The following CNR1 variants were observed in gnomAD, a reference collection of about 807,000 sequenced individuals.
CNR1 encodes cannabinoid receptor 1 (brain).
In CNR1, 10 loss-of-function variants were observed where a neutral mutation model predicts 23.0. The ratio of observed to expected loss-of-function variants is 0.43; its 90% CI spans 0.27 to 0.74. CNR1 has a LOEUF of 0.74. Ranked by LOEUF, CNR1 falls within the 30% of genes least tolerant of loss-of-function variation. The pLI is 0.19. For missense variants in CNR1, 422 were observed against 618.8 expected, an observed-to-expected ratio of 0.68 and a Z score of 3.37; for synonymous variants, 271 against 255.2, an observed-to-expected ratio of 1.06 and a Z score of -0.59.
Position 88,141,613 on chromosome 6 carries a change from C to A in CNR1, c.*2243G>T, listed in dbSNP as rs1157162922. ...TGGCAATTCTTAAATGCAAACTAAA[C>A]CCTGGTGAGTTCTTCTTGTAAATAA... On this transcript the variant is annotated 3_prime_UTR_variant, in exon 2 of 2. Coordinates refer to ENST00000369501, the MANE Select transcript of CNR1 (RefSeq NM_016083.6). 2.6e-5 allele frequency: 4 copies of A among 152,360 alleles called. No individual in the cohort carries two copies. 9.4% of individuals were successfully genotyped at this position (152,360 alleles called of 1,614,324 possible). A position where few individuals can be genotyped will look rare whatever the true frequency, so the allele number is the denominator to read the frequency against.
At chr6:88,160,147 G>C (rs542221607) in intron 1 of CNR1, among the ~76,000 whole-genome samples, 1 of 152,176 alleles carries the variant, frequency 6.6e-6, no homozygotes, top group African/African-American at 2.4e-5. Flanking sequence ...GGCCAACATG[G>C]TGAAACCCCG....
rs1433813768 is a variant in CNR1, at chr6:88,142,596, T to C, written c.*1260A>G. ...TCTCTTAAGGAGGGATGGGGTGAAATTTTTGAATGGTTGGAGTCAGTATTT... is the reference window on the plus strand; with the variant it reads ...TCTCTTAAGGAGGGATGGGGTGAAACTTTTGAATGGTTGGAGTCAGTATTT... On this transcript the variant is annotated 3_prime_UTR_variant, in exon 2 of 2. Coordinates refer to ENST00000369501, the MANE Select transcript of CNR1 (RefSeq NM_016083.6). The C allele has an allele frequency of 1.3e-5, 2 of 152,290 alleles. No individual in the cohort carries two copies. Among genetic ancestry groups the C allele is most frequent in the Non-Finnish European group, 2.9e-5 (2 of 68,020 alleles). The allele number at this position is 152,290 out of a possible 1,614,324, so 9.4% of individuals were successfully genotyped here. A position where few individuals can be genotyped will look rare whatever the true frequency, so the allele number is the denominator to read the frequency against.
At position 88,142,863 on chromosome 6, in the gene CNR1, C is replaced by T. The variant is rs1324400221; in HGVS notation, c.*993G>A. 1 of 152,706 alleles carries T rather than the reference C, an allele frequency of 6.5e-6. No homozygotes were observed. The highest frequency in any genetic ancestry group is 1.5e-5 in the Non-Finnish European group (1 of 68,040). The allele number at this position is 152,706 out of a possible 1,614,324, so 9.5% of individuals were successfully genotyped here. ...AAATGAAGACTGTTGTTTGGCCACCCAGGCATGAAATCTACTTAAACCTGG... is the reference window on the plus strand; with the variant it reads ...AAATGAAGACTGTTGTTTGGCCACCTAGGCATGAAATCTACTTAAACCTGG... On this transcript the variant is annotated 3_prime_UTR_variant, in exon 2 of 2. Transcript: ENST00000369501.
In CNR1 at chr6:88,143,917, G is replaced by A; in HGVS notation, c.1358C>T (p.Thr453Met). Residue 453 changes from threonine to methionine, a missense_variant, in exon 2 of 2, where the codon ACG becomes ATG. Coordinates refer to ENST00000369501, the MANE Select transcript of CNR1 (RefSeq NM_016083.6). ...CATGGTTACCTTGGCAATCTTGACC[G>A]TGCTCTTGATGCAGCTTTCTGCGGC... ...HRAAESCIKS[T>M]VKIAKVTMSV... The A allele has an allele frequency of 6.2e-7, 1 of 1,614,144 alleles. No homozygotes were observed. The highest frequency in any genetic ancestry group is 2.2e-5 in the East Asian group (1 of 44,860).
chr6:88,161,604 A>T (rs1778110637), intron 1 of CNR1, among the ~76,000 whole-genome samples: 1 of 152,250 alleles, frequency 6.6e-6, no homozygotes, highest in Non-Finnish European at 1.5e-5. Flanking sequence ...ATCAAGAAAT[A>T]TAATCCAGGA....
intron 1 of CNR1, chr6:88,147,847 G>A (rs1305687166): frequency 6.6e-6 from 1 of 152,316 alleles, no homozygotes; most frequent in African/African-American, 2.4e-5. Flanking sequence ...TTCCTTTTCA[G>A]GCCCAGGCCC....
At chr6:88,147,497 A>G (rs1777267117) in intron 1 of CNR1, among the ~76,000 whole-genome samples, 1 of 152,252 alleles carries the variant, frequency 6.6e-6, no homozygotes, top group Non-Finnish European at 1.5e-5. Context: ...AATAGGTAGC[A>G]TCACTGTAGG....
chr6:88,142,670 G>A lies in CNR1; in HGVS notation c.*1186C>T, dbSNP rs574876463. 1 of 152,628 alleles carries A rather than the reference G, an allele frequency of 6.6e-6. No individual in the cohort carries two copies. The highest frequency in any genetic ancestry group is 1.5e-5 in the Non-Finnish European group (1 of 68,038). 9.5% of individuals were successfully genotyped at this position (152,628 alleles called of 1,614,324 possible). A position where few individuals can be genotyped will look rare whatever the true frequency, so the allele number is the denominator to read the frequency against. On this transcript the variant is annotated 3_prime_UTR_variant, in exon 2 of 2. Transcript: ENST00000369501. ...ACTCAATTTTAGAAACTGAATCCAT[G>A]TGCAAGAGTGCAGCAAGTGGTAAAA...
rs1003620195 is a variant in CNR1 at position 88,142,926 on chromosome 6, T to A, written c.*930A>T. 1.3e-5 allele frequency: 2 copies of A among 152,676 alleles called. No individual in the cohort carries two copies. The highest frequency in any genetic ancestry group is 2.4e-5 in the African/African-American group (1 of 41,354). 9.5% of individuals were successfully genotyped at this position (152,676 alleles called of 1,614,324 possible). ...CAATACTATTCAAGTAAACAGCAAC[T>A]GCACAGTGATAACGATATACATTAA... On this transcript the variant is annotated 3_prime_UTR_variant, in exon 2 of 2. Coordinates refer to ENST00000369501, the MANE Select transcript of CNR1 (RefSeq NM_016083.6).
intron 1 of CNR1, among the ~76,000 whole-genome samples, chr6:88,146,333 T>G (rs563724198): frequency 2.6e-5 from 4 of 152,296 alleles, no homozygotes; most frequent in Admixed American, 2.6e-4. Flanking sequence ...CTCAAACTCT[T>G]GACCTCAGGT....
At position 88,144,885 on chromosome 6, in the gene CNR1, C is replaced by T. The variant is rs530695101; in HGVS notation, c.390G>A (p.Thr130=). 2.7e-5 allele frequency: 44 copies of T among 1,614,168 alleles called. No homozygotes were observed. The Admixed American group carries it at 3.7e-4, about 13-fold the overall frequency. ...AVLSLTLGTF[T]VLENLLVLCV... is the part of the protein sequence containing the mutation. Reference sequence around the variant, plus strand: ...ACAGCACCAGGAGGTTCTCCAGGACCGTGAAGGTGCCCAGCGTGAGGGACA... The same window carrying T: ...ACAGCACCAGGAGGTTCTCCAGGACTGTGAAGGTGCCCAGCGTGAGGGACA... Residue 130 remains threonine (T), a synonymous_variant, in exon 2 of 2, where the codon ACG becomes ACA. Coordinates refer to ENST00000369501, the MANE Select transcript of CNR1 (RefSeq NM_016083.6). The surrounding 1 kb of genome is among the most constrained non-coding windows in gnomAD (Gnocchi z 7.8).
intron 1 of CNR1, 38 bp downstream of exon 1, chr6:88,165,765 G>A (rs1218269049): frequency 6.6e-6 from 1 of 152,548 alleles, no homozygotes; most frequent in Non-Finnish European, 1.5e-5. Context: ...GCGGGAGGCG[G>A]AAAAAGTATT....
rs376398331 is a variant in CNR1 at position 88,144,483 on chromosome 6, G to A, written c.792C>T (p.Cys264=). ...CATCAATGTGTGGGAAAATGTCTGAGCAAACAGATTGCAGTTTCTCGCAGT... is the reference window on the plus strand; with the variant it reads ...CATCAATGTGTGGGAAAATGTCTGAACAAACAGATTGCAGTTTCTCGCAGT... ...GWNCEKLQSV[C]SDIFPHIDET... The change falls in exon 2 of 2, where the codon TGC becomes TGT. Residue 264 remains cysteine (C), a synonymous_variant. Transcript: ENST00000369501. This position sits in a 1 kb window ranked among gnomAD's most constrained non-coding sequence, Gnocchi z 7.8. The A allele has an allele frequency of 6.2e-7, 1 of 1,614,218 alleles. No individual in the cohort carries two copies. The highest frequency in any genetic ancestry group is 8.5e-7 in the Non-Finnish European group (1 of 1,180,050).
chr6:88,156,695 G>A (rs996543156), intron 1 of CNR1, among the ~76,000 whole-genome samples: 1 of 152,262 alleles, frequency 6.6e-6, no homozygotes, highest in Admixed American at 6.5e-5. Context: ...CTATCTTATA[G>A]GTCCTCTGCC....
rs1582321081 is a variant in CNR1, at chr6:88,143,749, G to A, written c.*107C>T. 7 of 784,826 alleles carry A rather than the reference G, an allele frequency of 8.9e-6. No individual in the cohort carries two copies. In the East Asian group the frequency reaches 1.5e-4, roughly 16 times the overall value. The allele number at this position is 784,826 out of a possible 1,614,324, so 48.6% of individuals were successfully genotyped here. ...TCATGGTGACAATCACCTTTTCATT[G>A]AGCATGGTAAAGTTAAAAAAATATA... is the stretch of plus-strand genomic sequence containing the variant. On this transcript the variant is annotated 3_prime_UTR_variant, in exon 2 of 2. Coordinates refer to ENST00000369501, the MANE Select transcript of CNR1 (RefSeq NM_016083.6).
intron 1 of CNR1, among the ~76,000 whole-genome samples, chr6:88,146,093 T>G (rs541552785): frequency 1.3e-5 from 2 of 148,266 alleles, no homozygotes; most frequent in Non-Finnish European, 3.0e-5. Context: ...GAAGACAGAG[T>G]TTTTTTTTTC....
At chr6:88,152,345 A>G (rs967796883) in intron 1 of CNR1, among the ~76,000 whole-genome samples, 2 of 152,198 alleles carry the variant, frequency 1.3e-5, no homozygotes, top group African/African-American at 2.4e-5. Context: ...GCATGGACCT[A>G]AAGATTAAAA....
intron 1 of CNR1, among the ~76,000 whole-genome samples, chr6:88,162,091 C>T (rs141996521): frequency 5.0e-4 from 76 of 152,276 alleles, no homozygotes; most frequent in African/African-American, 1.7e-3. Flanking sequence ...ATTCTTAGAA[C>T]GCATGGGACT....
rs954129430 is a variant in CNR1, at chr6:88,140,472, T to A, written c.*3384A>T. ...ATTCAGCCCAAATCAGTAGATAGAA[T>A]GTTTTTTTCTATATTACAATAGGCA... On this transcript the variant is annotated 3_prime_UTR_variant, in exon 2 of 2. Transcript: ENST00000369501. 6.5e-6 allele frequency: 1 copy of A among 152,810 alleles called. No individual in the cohort carries two copies. Among genetic ancestry groups the A allele is most frequent in the Non-Finnish European group, 1.5e-5 (1 of 68,044 alleles). 9.5% of individuals were successfully genotyped at this position (152,810 alleles called of 1,614,324 possible).
Sources: allele counts gnomAD v4.1 joint callset (sites outside exome capture counted in the v4.1 genomes callset), GRCh38; gene constraint gnomAD v4.1.1; non-coding constraint Gnocchi (gnomAD v3.1); transcripts MANE v1.5; gene names NCBI Gene and HGNC (gene_info 2026-07-23, HGNC 2026-07-21).